LIMS2: variants seen among roughly 807,000 people sequenced by gnomAD.
LIMS2 encodes LIM zinc finger domain containing 2.
In LIMS2, 30 loss-of-function variants were observed where a neutral mutation model predicts 45.3. That is an observed-to-expected ratio of 0.66 (90% CI 0.50 to 0.90). The LOEUF is 0.90. LIMS2 is among the 40% of genes least tolerant of loss of function. The pLI, the probability that LIMS2 is intolerant of heterozygous loss-of-function variation, is 0.00. For missense variants in LIMS2, 485 were observed against 468.7 expected, an observed-to-expected ratio of 1.03 and a Z score of -0.32; for synonymous variants, 173 against 188.0, an observed-to-expected ratio of 0.92 and a Z score of 0.65.
intron 1 of LIMS2, among the ~76,000 whole-genome samples, chr2:127,665,355 G>A (rs1176746845): frequency 6.6e-6 from 1 of 152,106 alleles, no homozygotes; most frequent in African/African-American, 2.4e-5. Flanking sequence ...CCCAAACTAG[G>A]GTGGGAGAAA....
In LIMS2 at chr2:127,639,029, A is replaced by G. The variant is rs1682115016; in HGVS notation, c.*252T>C. The stretch of plus-strand genomic sequence containing the variant: ...GCGGAAGCTGTGGGCACAGGTGGAC[A>G]TGGCTGTCAGACGTGGGGTCATAGG... On this transcript the variant is annotated 3_prime_UTR_variant, in exon 10 of 10. Coordinates refer to ENST00000355119, the MANE Select transcript of LIMS2 (RefSeq NM_001161403.3). The G allele has an allele frequency of 2.0e-6, 1 of 508,178 alleles. No individual in the cohort carries two copies. Among genetic ancestry groups the G allele is most frequent in the Non-Finnish European group, 3.5e-6 (1 of 284,432 alleles). 31.5% of individuals were successfully genotyped at this position (508,178 alleles called of 1,614,324 possible). A position where few individuals can be genotyped will look rare whatever the true frequency, so the allele number is the denominator to read the frequency against.
intron 1 of LIMS2, among the ~76,000 whole-genome samples, chr2:127,663,678 T>A (rs1239019110): frequency 1.7e-5 from 2 of 114,738 alleles, no homozygotes; most frequent in Non-Finnish European, 3.4e-5. Flanking sequence ...CCAGGGTCCC[T>A]ATCTGTCACC....
At chr2:127,641,079 G>A (rs545824500) in intron 6 of LIMS2, 91 bp from the exon 7 acceptor site, 23 of 1,015,228 alleles carry the variant, frequency 2.3e-5, no homozygotes, top group South Asian at 1.6e-4. Flanking sequence ...GTGACCCCAG[G>A]AGCCAGTGAC....
At chr2:127,648,619 G>A (rs1683255867) in intron 4 of LIMS2, among the ~76,000 whole-genome samples, 2 of 152,094 alleles carry the variant, frequency 1.3e-5, no homozygotes, top group African/African-American at 4.8e-5. Context: ...AAGAGGAGAG[G>A]GGCTGGGCGC....
chr2:127,664,872 G>A lies in LIMS2; in HGVS notation c.12-7310C>T, dbSNP rs1684925204. ...GAAACCGAGGACCGGAGCCACACAG[G>A]CCCACATTCTGCTTTGCTCCCTTCT... is the stretch of plus-strand genomic sequence containing the variant. On this transcript the variant is annotated intron_variant, in intron 1 of 9. Coordinates refer to ENST00000355119, the MANE Select transcript of LIMS2 (RefSeq NM_001161403.3). The surrounding 1 kb of genome is among the most constrained non-coding windows in gnomAD (Gnocchi z 5.5). 6.6e-6 allele frequency among the ~76,000 whole-genome samples: 1 copy of A among 152,172 alleles called. No individual in the cohort carries two copies. Among genetic ancestry groups the A allele is most frequent in the Non-Finnish European group, 1.5e-5 (1 of 68,026 alleles).
chr2:127,659,807 C>T (rs1684493695), intron 1 of LIMS2, among the ~76,000 whole-genome samples: 1 of 152,236 alleles, frequency 6.6e-6, no homozygotes, highest in Non-Finnish European at 1.5e-5. Flanking sequence ...GCACCCCCTT[C>T]CAGGCTCCTG....
Position 127,672,821 on chromosome 2 carries a change from G to T in LIMS2, c.11+2193C>A, listed in dbSNP as rs1685328529. Among the ~76,000 whole-genome samples, 1 of 152,252 alleles carries T rather than the reference G, an allele frequency of 6.6e-6. No homozygotes were observed. Among genetic ancestry groups the T allele is most frequent in the South Asian group, 2.1e-4 (1 of 4,834 alleles). ...CTCTTGCCTGGTGAGGTCCTAGGGA[G>T]AGCTGGCAGGGAGAAGCCCTGAAGG... On this transcript the variant is annotated intron_variant, in intron 1 of 9. Coordinates refer to ENST00000355119, the MANE Select transcript of LIMS2 (RefSeq NM_001161403.3). This position sits in a 1 kb window ranked among gnomAD's most constrained non-coding sequence, Gnocchi z 4.9.
At chr2:127,639,648 C>T (rs1446496220) in intron 9 of LIMS2, among the ~76,000 whole-genome samples, 1 of 152,136 alleles carries the variant, frequency 6.6e-6, no homozygotes, top group Non-Finnish European at 1.5e-5. Context: ...TTCTGAAACC[C>T]CAGAACCCTC....
At chr2:127,644,637 G>C (rs970623627) in intron 4 of LIMS2, among the ~76,000 whole-genome samples, 1 of 152,188 alleles carries the variant, frequency 6.6e-6, no homozygotes, top group Non-Finnish European at 1.5e-5. Context: ...CAACCCACGA[G>C]GAATTATTTC....
At position 127,672,786 on chromosome 2, in the gene LIMS2, C is replaced by T. The variant is rs563138783; in HGVS notation, c.11+2228G>A. 5.3e-5 allele frequency among the ~76,000 whole-genome samples: 8 copies of T among 152,344 alleles called. No homozygotes were observed. The highest frequency in any genetic ancestry group is 1.2e-4 in the Non-Finnish European group (8 of 68,030). On this transcript the variant is annotated intron_variant, in intron 1 of 9. Transcript: ENST00000355119. This position sits in a 1 kb window ranked among gnomAD's most constrained non-coding sequence, Gnocchi z 4.9. ...GGTCACTTTGGTGGCTCCCCACAGC[C>T]CTCCCTCTGCTCTTGCCTGGTGAGG...
At chr2:127,679,075 C>T (rs752294035), upstream of LIMS2, among the ~76,000 whole-genome samples, 10 of 152,100 alleles carry the variant, frequency 6.6e-5, no homozygotes, top group Non-Finnish European at 1.0e-4. The surrounding 1 kb of genome is among the most constrained non-coding windows in gnomAD (Gnocchi z 5.3). Context: ...GGAGGAGGTG[C>T]GCCACTGCCC....
rs1685048568 is a variant in LIMS2 at position 127,667,220 on chromosome 2, G to A, written c.11+7794C>T. On this transcript the variant is annotated intron_variant, in intron 1 of 9. Transcript: ENST00000355119. The surrounding 1 kb of genome is among the most constrained non-coding windows in gnomAD (Gnocchi z 4.1). ...GCAGGAGAATCACTTGAACCTGGAA[G>A]GCGGAGGTTGCAGTGAGCTGAGATC... 6.6e-6 allele frequency among the ~76,000 whole-genome samples: 1 copy of A among 152,228 alleles called. No individual in the cohort carries two copies. Among genetic ancestry groups the A allele is most frequent in the Admixed American group, 6.5e-5 (1 of 15,284 alleles).
rs1682573024 is a variant in LIMS2, at chr2:127,642,855, A to G, written c.509+68T>C. ...CAACACTTCCCCAGGTGGAGGCCCC[A>G]CCGCCCTTACCCTGGGCCAGCCCTG... On this transcript the variant is annotated intron_variant, in intron 5 of 9. Transcript: ENST00000355119. This position sits in a 1 kb window ranked among gnomAD's most constrained non-coding sequence, Gnocchi z 5.3. 2.0e-6 allele frequency: 3 copies of G among 1,502,876 alleles called. No individual in the cohort carries two copies. The East Asian group carries it at 7.4e-5, about 37-fold the overall frequency. The allele number at this position is 1,502,876 out of a possible 1,614,324, so 93.1% of individuals were successfully genotyped here. A position where few individuals can be genotyped will look rare whatever the true frequency, so the allele number is the denominator to read the frequency against.
chr2:127,648,644 G>C (rs556810329), intron 4 of LIMS2, among the ~76,000 whole-genome samples: 1 of 152,228 alleles, frequency 6.6e-6, no homozygotes, highest in Non-Finnish European at 1.5e-5. Context: ...ACTCATGCCT[G>C]TAATCCCAGC....
chr2:127,676,312 T>G (rs1377873545), upstream of LIMS2, among the ~76,000 whole-genome samples: 1 of 152,070 alleles, frequency 6.6e-6, no homozygotes, highest in Non-Finnish European at 1.5e-5. Context: ...GAAAGATGAG[T>G]TGATAGTATC....
chr2:127,643,906 C>G (rs1425141703), intron 4 of LIMS2, among the ~76,000 whole-genome samples: 1 of 152,194 alleles, frequency 6.6e-6, no homozygotes, highest in African/African-American at 2.4e-5. Context: ...TCCTCACGAG[C>G]CTCCACGGCT....
At chr2:127,680,845 C>T (rs1685597405) in intron 1 of LIMS2, among the ~76,000 whole-genome samples, 1 of 152,300 alleles carries the variant, frequency 6.6e-6, no homozygotes, top group Non-Finnish European at 1.5e-5. Context: ...GAGGGCAGCC[C>T]CCACCACATA....
intron 4 of LIMS2, chr2:127,651,265 A>G: frequency 6.2e-7 from 1 of 1,606,494 alleles, no homozygotes; most frequent in East Asian, 2.2e-5. Flanking sequence ...CAGACCAACC[A>G]CACGGTGGTC....
chr2:127,673,381 C>A (rs1247258211), intron 1 of LIMS2, among the ~76,000 whole-genome samples: 5 of 152,214 alleles, frequency 3.3e-5, no homozygotes, highest in Non-Finnish European at 7.3e-5. Flanking sequence ...ACAGTGCCTG[C>A]CAAAGGCTGA....
Sources: gnomAD v4.1 joint callset for allele counts (sites outside exome capture counted in the v4.1 genomes callset) on GRCh38, gnomAD v4.1.1 for gene constraint, Gnocchi (gnomAD v3.1) non-coding constraint, MANE v1.5 for transcripts, NCBI Gene and HGNC (gene_info 2026-07-23, HGNC 2026-07-21) for gene names.